ZNF567: variants seen among roughly 807,000 people sequenced by gnomAD.
ZNF567 encodes zinc finger protein 567.
A neutral mutation model predicts 53.9 loss-of-function variants in ZNF567; 36 were observed. The ratio of observed to expected loss-of-function variants is 0.67; its 90% CI spans 0.51 to 0.88. The LOEUF (loss-of-function observed/expected upper bound fraction) is 0.88. Ranked by LOEUF, ZNF567 falls within the 40% of genes least tolerant of loss-of-function variation. The probability of loss-of-function intolerance (pLI) is 0.00; values close to 1 mark genes in which losing one functional copy is unlikely to be tolerated. For missense variants in ZNF567, 619 were observed against 764.7 expected (o/e 0.81, Z 2.25); for synonymous variants, 224 against 260.4 (o/e 0.86, Z 1.35).
chr19:36,711,258 A>G (rs2039771664), intron 3 of ZNF567: 1 of 152,372 alleles, frequency 6.6e-6, no homozygotes, highest in Non-Finnish European at 1.5e-5. Flanking sequence ...TTTAGTAGAG[A>G]CAGGGTCTTG....
the ZNF567 span, among the ~76,000 whole-genome samples, chr19:36,675,858 C>T: frequency 6.6e-6 from 1 of 151,844 alleles, no homozygotes; most frequent in Non-Finnish European, 1.5e-5. Context: ...CAAACAAAAA[C>T]AAAAACACCC....
chr19:36,702,536 A>G (rs2039256168), intron 3 of ZNF567, among the ~76,000 whole-genome samples: 1 of 152,022 alleles, frequency 6.6e-6, no homozygotes, highest in Non-Finnish European at 1.5e-5. Flanking sequence ...ACTTGGTTCC[A>G]TTCTCCCTGT....
intron 3 of ZNF567, among the ~76,000 whole-genome samples, chr19:36,706,183 C>T (rs903348183): frequency 2.0e-5 from 3 of 152,156 alleles, no homozygotes; most frequent in Non-Finnish European, 2.9e-5. Context: ...CGTGAAGCCC[C>T]TTTTACAAGG....
In ZNF567 at chr19:36,718,990, A is replaced by G. The variant is rs560717775; in HGVS notation, c.266A>G (p.Glu89Gly). ...KAEDFLVKFK[E>G]HQEKYSRSVV... ...GAAGACTTTTTAGTGAAATTCAAGG[A>G]ACACCAAGAGAAGTATTCTAGATCA... is the stretch of plus-strand genomic sequence containing the variant. Residue 89 changes from glutamate to glycine, a missense_variant, in exon 6 of 6, where the codon GAA becomes GGA. Coordinates refer to ENST00000682579, the MANE Select transcript of ZNF567 (RefSeq NM_001322917.1). 6 of 1,577,064 alleles carry G rather than the reference A, an allele frequency of 3.8e-6. No individual in the cohort carries two copies. The African/African-American group carries it at 6.9e-5, about 18-fold the overall frequency.
chr19:36,720,792 A>G lies in ZNF567; in HGVS notation c.*124A>G. The G allele has an allele frequency of 2.4e-6, 2 of 844,922 alleles. No individual in the cohort carries two copies. The highest frequency in any genetic ancestry group is 3.4e-6 in the Non-Finnish European group (2 of 586,628). The allele number at this position is 844,922 out of a possible 1,614,324, so 52.3% of individuals were successfully genotyped here. A position where few individuals can be genotyped will look rare whatever the true frequency, so the allele number is the denominator to read the frequency against. ...CAAGTCTAATAATTATTAAAGTACC[A>G]TACGGAATAACTGTCTACTGTTTAC... is the stretch of plus-strand genomic sequence containing the variant. On this transcript the variant is annotated 3_prime_UTR_variant, in exon 6 of 6. Coordinates refer to ENST00000682579, the MANE Select transcript of ZNF567 (RefSeq NM_001322917.1).
chr19:36,691,228 G>T (rs988616360), intron 2 of ZNF567, among the ~76,000 whole-genome samples: 10 of 152,006 alleles, frequency 6.6e-5, no homozygotes, highest in Admixed American at 4.6e-4. Context: ...CTTGATCATG[G>T]CTCACTGCAG....
At chr19:36,685,117 A>T (rs932026040), upstream of ZNF567, among the ~76,000 whole-genome samples, 1 of 152,142 alleles carries the variant, frequency 6.6e-6, no homozygotes, top group Non-Finnish European at 1.5e-5. Flanking sequence ...GCGAAACCCC[A>T]TGTCTACTAA....
At chr19:36,672,690 C>T in the ZNF567 span, among the ~76,000 whole-genome samples, 1 of 152,218 alleles carries the variant, frequency 6.6e-6, no homozygotes, top group African/African-American at 2.4e-5. Context: ...CATTGGATTG[C>T]TTCCATCATG....
chr19:36,716,744 A>G (rs1405222669), intron 5 of ZNF567, among the ~76,000 whole-genome samples: 2 of 152,052 alleles, frequency 1.3e-5, no homozygotes, highest in Admixed American at 1.3e-4. Context: ...AGATGTACCT[A>G]CTCATGCTGT....
chr19:36,715,058 A>T (rs1378911538), intron 5 of ZNF567, among the ~76,000 whole-genome samples: 3 of 152,166 alleles, frequency 2.0e-5, no homozygotes, highest in Non-Finnish European at 2.9e-5. Flanking sequence ...ACTCCAGTTC[A>T]TCAGGCGTAC....
chr19:36,689,112 G>A (rs2038445674), intron 1 of ZNF567, among the ~76,000 whole-genome samples: 1 of 151,988 alleles, frequency 6.6e-6, no homozygotes, highest in Admixed American at 6.6e-5. Flanking sequence ...TTCCAAAAAA[G>A]ATCATTTATT....
the ZNF567 span, among the ~76,000 whole-genome samples, chr19:36,673,827 C>T: frequency 6.6e-6 from 1 of 152,078 alleles, no homozygotes; most frequent in African/African-American, 2.4e-5. Context: ...TGATACCTTT[C>T]CCGGTAAACT....
downstream of ZNF567, among the ~76,000 whole-genome samples, chr19:36,722,681 C>T (rs1306190799): frequency 6.6e-6 from 1 of 152,224 alleles, no homozygotes; most frequent in African/African-American, 2.4e-5. Flanking sequence ...AAATATTTGA[C>T]ATTAAATATA....
chr19:36,700,532 G>A (rs1349848588), intron 3 of ZNF567, among the ~76,000 whole-genome samples: 4 of 150,354 alleles, frequency 2.7e-5, no homozygotes, highest in South Asian at 2.1e-4. Context: ...GGTAGAATTC[G>A]GCTGTGAATC....
the ZNF567 span, chr19:36,668,816 T>C: frequency 6.6e-6 from 1 of 152,304 alleles, no homozygotes; most frequent in East Asian, 1.9e-4. Flanking sequence ...CTGATTCTCA[T>C]TCATGTATGT....
chr19:36,677,294 C>G, the ZNF567 span, among the ~76,000 whole-genome samples: 1 of 147,948 alleles, frequency 6.8e-6, no homozygotes, highest in South Asian at 2.1e-4. Context: ...CCTGTCTCTA[C>G]TAAAAATACA....
chr19:36,690,675 T>C (rs905413591), intron 2 of ZNF567, among the ~76,000 whole-genome samples: 1 of 152,206 alleles, frequency 6.6e-6, no homozygotes, highest in Non-Finnish European at 1.5e-5. Flanking sequence ...GCATGCATTC[T>C]TTTGGAGTTT....
chr19:36,709,007 C>T (rs1234540510), intron 3 of ZNF567, among the ~76,000 whole-genome samples: 5 of 152,172 alleles, frequency 3.3e-5, no homozygotes, highest in African/African-American at 1.2e-4. Context: ...AATCTTGCCA[C>T]ATTATAGTTT....
At chr19:36,701,654 G>C (rs1241600859) in intron 3 of ZNF567, among the ~76,000 whole-genome samples, 1 of 150,588 alleles carries the variant, frequency 6.6e-6, no homozygotes, top group African/African-American at 2.4e-5. Context: ...TCTTCTTGTT[G>C]AATTGATCCC....
Sources: gnomAD v4.1 joint callset for allele counts (sites outside exome capture counted in the v4.1 genomes callset) on GRCh38, gnomAD v4.1.1 for gene constraint, MANE v1.5 for transcripts, NCBI Gene and HGNC (gene_info 2026-07-23, HGNC 2026-07-21) for gene names.